The following NAALADL2 variants were observed in gnomAD, a reference collection of about 807,000 sequenced individuals.
The protein encoded by NAALADL2 is N-acetylated alpha-linked acidic dipeptidase like 2.
In NAALADL2, 76 loss-of-function variants were observed where a neutral mutation model predicts 87.2. That is an observed-to-expected ratio of 0.87 (90% CI 0.72 to 1.05). The LOEUF (loss-of-function observed/expected upper bound fraction) is 1.05, where lower values mean the gene tolerates loss of function less well. NAALADL2 is among the 50% of genes least tolerant of loss of function. NAALADL2 has a pLI of 0.00. For missense variants in NAALADL2, 1,089 were observed against 945.8 expected (o/e 1.15, Z -1.99); for synonymous variants, 354 against 331.0 (o/e 1.07, Z -0.75).
chr3:174,952,071 C>T (rs1740448648), intron 1 of NAALADL2, among the ~76,000 whole-genome samples: 1 of 152,118 alleles, frequency 6.6e-6, no homozygotes, highest in African/African-American at 2.4e-5. Context: ...AGATCAAACA[C>T]TTGTTCTGTA....
At chr3:175,759,909 A>AT (rs947955153) in intron 13 of NAALADL2, among the ~76,000 whole-genome samples, 2 of 152,254 alleles carry the variant, frequency 1.3e-5, no homozygotes, top group Admixed American at 1.3e-4. Context: ...TTTGGGCTTC[A>AT]TTTTTCATGG....
At chr3:174,910,017 G>A (rs1733490425) in intron 1 of NAALADL2, among the ~76,000 whole-genome samples, 1 of 152,000 alleles carries the variant, frequency 6.6e-6, no homozygotes, top group African/African-American at 2.4e-5. Flanking sequence ...CATATGCAAT[G>A]TATTGTATTT....
At chr3:174,649,766 A>G (rs1263320567) in intron 2 of NAALADL2, among the ~76,000 whole-genome samples, 1 of 152,146 alleles carries the variant, frequency 6.6e-6, no homozygotes, top group Admixed American at 6.5e-5. Flanking sequence ...AATTTTTCTC[A>G]AGTGGCAGAA....
chr3:175,535,616 G>A (rs1234512404), intron 9 of NAALADL2, among the ~76,000 whole-genome samples: 2 of 152,078 alleles, frequency 1.3e-5, no homozygotes, highest in Non-Finnish European at 2.9e-5. Flanking sequence ...TTGTTTTTGT[G>A]GGGGGCAATG....
intron 1 of NAALADL2, among the ~76,000 whole-genome samples, chr3:174,900,750 T>C (rs1019447951): frequency 6.6e-6 from 1 of 151,944 alleles, no homozygotes; most frequent in Non-Finnish European, 1.5e-5. Flanking sequence ...ATAGAATAAC[T>C]GGCTACTTAA....
intron 1 of NAALADL2, among the ~76,000 whole-genome samples, chr3:175,091,404 A>G (rs921632500): frequency 2.6e-5 from 4 of 152,084 alleles, no homozygotes. Flanking sequence ...TCATTTTACA[A>G]TAAAGATTTA....
chr3:175,546,559 G>T (rs1713370247), intron 9 of NAALADL2, among the ~76,000 whole-genome samples: 1 of 151,856 alleles, frequency 6.6e-6, no homozygotes, highest in African/African-American at 2.4e-5. Context: ...TTCCCTCAGG[G>T]GCTCTTATAA....
At chr3:174,747,694 A>G (rs1032879934) in intron 3 of NAALADL2, among the ~76,000 whole-genome samples, 1 of 151,892 alleles carries the variant, frequency 6.6e-6, no homozygotes, top group African/African-American at 2.4e-5. Flanking sequence ...AAATAGGAAC[A>G]CATTTACACT....
chr3:175,367,655 C>CTGTT (rs573170342), intron 5 of NAALADL2, among the ~76,000 whole-genome samples: 6 of 151,150 alleles, frequency 4.0e-5, no homozygotes, highest in East Asian at 2.0e-4. Flanking sequence ...ATTTGGCTCT[C>CTGTT]TGTCTGTTAT....
At chr3:174,787,303 A>G (rs1716789186) in intron 3 of NAALADL2, among the ~76,000 whole-genome samples, 1 of 151,614 alleles carries the variant, frequency 6.6e-6, no homozygotes, top group African/African-American at 2.4e-5. Flanking sequence ...AAGACTGCAT[A>G]AATGCATCTC....
intron 3 of NAALADL2, among the ~76,000 whole-genome samples, chr3:174,809,223 C>T (rs1336596763): frequency 6.6e-6 from 1 of 152,084 alleles, no homozygotes; most frequent in Non-Finnish European, 1.5e-5. Context: ...AGAAACAGTA[C>T]TGGGGATATA....
chr3:174,478,910 T>C (rs1717378069), intron 1 of NAALADL2, among the ~76,000 whole-genome samples: 1 of 152,170 alleles, frequency 6.6e-6, no homozygotes, highest in Non-Finnish European at 1.5e-5. Flanking sequence ...GGTTTTGCCA[T>C]GCTGGCTAGG....
At chr3:174,798,873 C>A (rs1244977012) in intron 3 of NAALADL2, among the ~76,000 whole-genome samples, 1 of 151,604 alleles carries the variant, frequency 6.6e-6, no homozygotes, top group Non-Finnish European at 1.5e-5. Context: ...ATGCAAATAC[C>A]AATTATTTTT....
intron 1 of NAALADL2, among the ~76,000 whole-genome samples, chr3:174,901,242 T>G (rs1390119066): frequency 6.6e-6 from 1 of 152,160 alleles, no homozygotes; most frequent in Non-Finnish European, 1.5e-5. Flanking sequence ...TATCAAGGAA[T>G]GTAGTTTTAG....
At chr3:175,124,810 G>A (rs557126978) in intron 2 of NAALADL2, among the ~76,000 whole-genome samples, 46 of 152,110 alleles carry the variant, frequency 3.0e-4, no homozygotes, top group African/African-American at 8.9e-4. Flanking sequence ...TTTGGTGAGA[G>A]TATTGTGTCC....
chr3:175,667,507 G>C lies in NAALADL2; in HGVS notation c.1896+40121G>C, dbSNP rs542266050. On this transcript the variant is annotated intron_variant, in intron 11 of 13. Transcript: ENST00000454872. Reference sequence around the variant, plus strand: ...AAACCCCATGATGGAGTTGTACTCTGTTGCTGTGGTATTATTCTCTTGTTT... The same window carrying C: ...AAACCCCATGATGGAGTTGTACTCTCTTGCTGTGGTATTATTCTCTTGTTT... Among the ~76,000 whole-genome samples, 11 of 152,184 alleles carry C rather than the reference G, an allele frequency of 7.2e-5. No individual in the cohort carries two copies. In the South Asian group the frequency reaches 2.3e-3, roughly 32 times the overall value.
intron 3 of NAALADL2, among the ~76,000 whole-genome samples, chr3:175,254,510 C>A (rs1749589165): frequency 6.6e-6 from 1 of 152,206 alleles, no homozygotes; most frequent in East Asian, 1.9e-4. Context: ...CTGATGTATG[C>A]CTGTATACAC....
In NAALADL2 at chr3:175,138,887, A is replaced by AATATATATATATAT. The variant is rs58824117; in HGVS notation, c.545+41621_545+41634dup. The stretch of plus-strand genomic sequence containing the variant: ...CAGAAAAAAAATTTCAGCCTTTTAA[A>AATATATATATATAT]ATATATATATATATATATATATATA... On this transcript the variant is annotated intron_variant, in intron 2 of 13. Coordinates refer to ENST00000454872, the MANE Select transcript of NAALADL2 (RefSeq NM_207015.3). 2.3e-3 allele frequency among the ~76,000 whole-genome samples: 224 copies of AATATATATATATAT among 95,362 alleles called. 1 individual carries two copies. Among genetic ancestry groups the AATATATATATATAT allele is most frequent in the African/African-American group, 2.6e-3 (48 of 18,344 alleles). 62.6% of individuals were successfully genotyped at this position (95,362 alleles called of 152,430 possible). A position where few individuals can be genotyped will look rare whatever the true frequency, so the allele number is the denominator to read the frequency against.
At chr3:174,564,542 A>T (rs1194975661) in intron 2 of NAALADL2, among the ~76,000 whole-genome samples, 1 of 152,154 alleles carries the variant, frequency 6.6e-6, no homozygotes, top group Admixed American at 6.6e-5. Flanking sequence ...ATTGTTATAC[A>T]TTTCTATAAC....
Sources: allele counts gnomAD v4.1 joint callset (sites outside exome capture counted in the v4.1 genomes callset), GRCh38; gene constraint gnomAD v4.1.1; transcripts MANE v1.5; gene names NCBI Gene and HGNC (gene_info 2026-07-23, HGNC 2026-07-21).